The following SLC15A2 variants were observed in gnomAD, a reference collection of about 807,000 sequenced individuals.
The protein encoded by SLC15A2 is kidney H(+)/peptide cotransporter.
SLC15A2 carries 77 observed loss-of-function variants against 95.5 expected under a neutral mutation model. The observed-to-expected ratio is 0.81, with a 90% CI of 0.67 to 0.97. The LOEUF is 0.97. Among genes scored for constraint, SLC15A2 ranks in the 50% least tolerant of loss-of-function variants. The probability of loss-of-function intolerance (pLI) is 0.00; values close to 1 mark genes in which losing one functional copy is unlikely to be tolerated. For missense variants in SLC15A2, 893 were observed against 874.4 expected (o/e 1.02, Z -0.27); for synonymous variants, 306 against 306.9 (o/e 1.00, Z 0.03).
At chr3:121,939,603 T>C (rs1710420023) in intron 20 of SLC15A2, 108 bp downstream of exon 20, 2 of 935,146 alleles carry the variant, frequency 2.1e-6, no homozygotes, top group African/African-American at 3.4e-5. Flanking sequence ...TGGCCTTGGG[T>C]ACCTTATTTA....
chr3:121,931,509 C>T, intron 18 of SLC15A2, 130 bp from the exon 19 acceptor site: 1 of 573,754 alleles, frequency 1.7e-6, no homozygotes, highest in Non-Finnish European at 3.1e-6. Context: ...AAACATTTCT[C>T]TTCAAAGATA....
At chr3:121,928,739 T>C (rs1710171313) in intron 15 of SLC15A2, among the ~76,000 whole-genome samples, 184 bp downstream of exon 15, 1 of 152,244 alleles carries the variant, frequency 6.6e-6, no homozygotes. Context: ...CATTTCCACA[T>C]AGGTATTCCG....
chr3:121,904,101 TC>T (rs1709580631), intron 3 of SLC15A2, among the ~76,000 whole-genome samples: 1 of 152,254 alleles, frequency 6.6e-6, no homozygotes, highest in African/African-American at 2.4e-5. Context: ...TATTTTTTTC[TC>T]TTTGTAGCAA....
chr3:121,917,710 T>C (rs1309106937), intron 7 of SLC15A2, among the ~76,000 whole-genome samples: 1 of 151,624 alleles, frequency 6.6e-6, no homozygotes, highest in Non-Finnish European at 1.5e-5. Flanking sequence ...ATGAATAAAA[T>C]AATAAATAAA....
At chr3:121,932,028 G>C (rs1403609253) in intron 19 of SLC15A2, among the ~76,000 whole-genome samples, 1 of 152,062 alleles carries the variant, frequency 6.6e-6, no homozygotes, top group Non-Finnish European at 1.5e-5. Context: ...ACCTCCCCGA[G>C]TATCTGGGAT....
rs1286522851 is a variant in SLC15A2, at chr3:121,922,845, C to T, written c.851C>T (p.Ala284Val). ...AAGCGACAGCACTGGCTAGACTGGG[C>T]GGCTGAGAAATATCCAGTAAGTTGG... is the stretch of plus-strand genomic sequence containing the variant. ...IPKRQHWLDW[A>V]AEKYPKQLIM... is the part of the protein sequence containing the mutation. Residue 284 changes from alanine to valine, a missense_variant, in exon 9 of 22, where the codon GCG (alanine) becomes GTG (valine). Physicochemically the swap from Ala to Val is moderately conservative, Grantham distance 64 (BLOSUM62 0). Coordinates refer to ENST00000489711, the MANE Select transcript of SLC15A2 (RefSeq NM_021082.4). The T allele has an allele frequency of 2.5e-6, 4 of 1,613,568 alleles. No individual in the cohort carries two copies. Among genetic ancestry groups the T allele is most frequent in the East Asian group, 2.2e-5 (1 of 44,882 alleles).
At chr3:121,897,941 T>C (rs1709450585) in intron 3 of SLC15A2, among the ~76,000 whole-genome samples, 1 of 152,060 alleles carries the variant, frequency 6.6e-6, no homozygotes, top group Non-Finnish European at 1.5e-5. Context: ...GCGGGCAGAT[T>C]GCCTGAGGTG....
intron 19 of SLC15A2, among the ~76,000 whole-genome samples, chr3:121,934,636 T>C (rs2107609244): frequency 6.6e-6 from 1 of 152,256 alleles, no homozygotes; most frequent in African/African-American, 2.4e-5. Context: ...TTTGCTGAAG[T>C]TGCTTATCAG....
At chr3:121,904,906 A>G (rs1438026964) in intron 3 of SLC15A2, among the ~76,000 whole-genome samples, 1 of 152,192 alleles carries the variant, frequency 6.6e-6, no homozygotes, top group Non-Finnish European at 1.5e-5. Flanking sequence ...ATTGATTGGA[A>G]TAGTTTCAGA....
At chr3:121,905,448 C>T (rs1709617158) in intron 3 of SLC15A2, among the ~76,000 whole-genome samples, 2 of 152,108 alleles carry the variant, frequency 1.3e-5, no homozygotes, top group African/African-American at 4.8e-5. Flanking sequence ...GTTAAGGTGT[C>T]GATTTTAGAT....
chr3:121,929,416 G>A, intron 17 of SLC15A2, 68 bp downstream of exon 17: 2 of 1,512,548 alleles, frequency 1.3e-6, no homozygotes, highest in South Asian at 1.1e-5. Context: ...TAATCTTTGG[G>A]GCTGCATTCT....
intron 19 of SLC15A2, among the ~76,000 whole-genome samples, chr3:121,937,788 C>G (rs953638083): frequency 2.0e-5 from 3 of 152,352 alleles, no homozygotes; most frequent in Non-Finnish European, 4.4e-5. Context: ...CTCTATCCGG[C>G]TTTGTTCCGT....
At chr3:121,896,830 C>T (rs2107564168) in intron 2 of SLC15A2, among the ~76,000 whole-genome samples, 1 of 144,002 alleles carries the variant, frequency 6.9e-6, no homozygotes, top group African/African-American at 2.6e-5. Flanking sequence ...TCAAGGTTAT[C>T]AGGCACCTGT....
chr3:121,910,533 G>T (rs1709744832), intron 3 of SLC15A2, among the ~76,000 whole-genome samples: 1 of 152,140 alleles, frequency 6.6e-6, no homozygotes. Flanking sequence ...TACACTTTAA[G>T]TTCCCTTCCC....
chr3:121,899,139 G>A (rs1226276904), intron 3 of SLC15A2, among the ~76,000 whole-genome samples: 3 of 152,132 alleles, frequency 2.0e-5, no homozygotes, highest in Non-Finnish European at 4.4e-5. Flanking sequence ...CTTTAAGATT[G>A]AAGAAGTACA....
At chr3:121,913,148 A>G in intron 5 of SLC15A2, 28 bp downstream of exon 5, 1 of 1,555,168 alleles carries the variant, frequency 6.4e-7, no homozygotes, top group Non-Finnish European at 8.9e-7. Context: ...TTGTATTTTC[A>G]AGAATATAGA....
chr3:121,908,666 A>G (rs1709704005), intron 3 of SLC15A2, among the ~76,000 whole-genome samples: 1 of 152,042 alleles, frequency 6.6e-6, no homozygotes, highest in African/African-American at 2.4e-5. Context: ...CCATCACTAC[A>G]CACTCTCAGC....
In SLC15A2 at chr3:121,923,139, G is replaced by A. The variant is rs550463846; in HGVS notation, c.957+10G>A. On this transcript the variant is annotated intron_variant, in intron 10 of 21. Transcript: ENST00000489711. ...TCTTTTGGATCAGCAGGTAAGAATA[G>A]TTCTTTTGGACATTACCGCTCCTTA... 1.2e-5 allele frequency: 19 copies of A among 1,613,742 alleles called. No individual in the cohort carries two copies. Among genetic ancestry groups the A allele is most frequent in the Admixed American group, 1.7e-5 (1 of 59,988 alleles).
intron 19 of SLC15A2, among the ~76,000 whole-genome samples, chr3:121,937,540 C>A (rs1433744097): frequency 6.6e-6 from 1 of 151,144 alleles, no homozygotes; most frequent in South Asian, 2.1e-4. Context: ...GATACCCTTT[C>A]TTCCAGTGGA....
Sources: allele counts gnomAD v4.1 joint callset (sites outside exome capture counted in the v4.1 genomes callset), GRCh38; gene constraint gnomAD v4.1.1; transcripts MANE v1.5; gene names NCBI Gene and HGNC (gene_info 2026-07-23, HGNC 2026-07-21).